The following RBM20 variants were observed in gnomAD, a reference collection of about 807,000 sequenced individuals.
The protein encoded by RBM20 is RNA-binding protein 20.
Under a neutral mutation model 110.1 loss-of-function variants are expected in RBM20, and 51 were observed. The ratio of observed to expected loss-of-function variants is 0.46; its 90% CI spans 0.37 to 0.59. The LOEUF is 0.59. Among genes scored for constraint, RBM20 ranks in the 20% least tolerant of loss-of-function variants. RBM20 has a pLI of 0.00. For synonymous variants in RBM20, 589 were observed against 618.2 expected (o/e 0.95, Z 0.70); for missense variants, 1,512 against 1,574.9 (o/e 0.96, Z 0.68).
At chr10:110,648,078 G>A (rs553925325) in intron 1 of RBM20, among the ~76,000 whole-genome samples, 1 of 152,296 alleles carries the variant, frequency 6.6e-6, no homozygotes, top group East Asian at 1.9e-4. Flanking sequence ...GAGTATAGAT[G>A]ACACTTTTTT....
intron 13 of RBM20, among the ~76,000 whole-genome samples, chr10:110,834,819 C>A (rs1845102473): frequency 6.6e-6 from 1 of 152,204 alleles, no homozygotes; most frequent in South Asian, 2.1e-4. Context: ...TGTCAGAGAA[C>A]CCCAGCTGGG....
chr10:110,771,846 A>C (rs760925718), intron 1 of RBM20, among the ~76,000 whole-genome samples: 1 of 152,254 alleles, frequency 6.6e-6, no homozygotes, highest in Non-Finnish European at 1.5e-5. Context: ...GGATTGATCT[A>C]TAAATCCCTA....
intron 1 of RBM20, among the ~76,000 whole-genome samples, chr10:110,710,280 G>A (rs1042595032): frequency 2.6e-5 from 4 of 152,172 alleles, no homozygotes; most frequent in Admixed American, 6.5e-5. Context: ...TGGATATTCC[G>A]CAATAATCTG....
chr10:110,825,720 G>C (rs1844973311), intron 12 of RBM20, among the ~76,000 whole-genome samples: 1 of 152,202 alleles, frequency 6.6e-6, no homozygotes, highest in Admixed American at 6.5e-5. Flanking sequence ...CAGTTAGGCT[G>C]TCTGCTCTTT....
intron 1 of RBM20, among the ~76,000 whole-genome samples, chr10:110,647,606 C>A (rs1861886685): frequency 6.6e-6 from 1 of 152,058 alleles, no homozygotes; most frequent in Non-Finnish European, 1.5e-5. Context: ...GTTAGGAAAT[C>A]AGAATAATTT....
chr10:110,789,415 GT>G (rs5787873), intron 5 of RBM20, among the ~76,000 whole-genome samples: 7,014 of 148,782 alleles, frequency 0.047, 220 homozygotes, highest in African/African-American at 0.082. Context: ...TTTTGTTTAG[GT>G]TTTTTTTTTC....
rs1212827529 is a variant in RBM20 at position 110,820,183 on chromosome 10, T to A, written c.2655+7T>A. 1.9e-6 allele frequency: 3 copies of A among 1,543,714 alleles called. No individual in the cohort carries two copies. The East Asian group carries it at 7.3e-5, about 38-fold the overall frequency. On this transcript the variant is annotated splice_region_variant and intron_variant, in intron 10 of 13. Coordinates refer to ENST00000369519, the MANE Select transcript of RBM20 (RefSeq NM_001134363.3). ...AAACACAAGGACAAAGAAGGTAAAG[T>A]TTGTTTCAGATTCTGCACTTCTGCC...
intron 1 of RBM20, among the ~76,000 whole-genome samples, chr10:110,704,336 A>G (rs899077049): frequency 6.6e-6 from 1 of 152,220 alleles, no homozygotes; most frequent in Admixed American, 6.5e-5. Context: ...GGCTATTACA[A>G]AGAAAGCTGC....
chr10:110,646,814 A>G (rs916211188), intron 1 of RBM20, among the ~76,000 whole-genome samples: 1 of 152,252 alleles, frequency 6.6e-6, no homozygotes, highest in Non-Finnish European at 1.5e-5. Context: ...TTGAGAAAAT[A>G]TAGTGGAGCT....
chr10:110,764,459 G>A (rs1368405593), intron 1 of RBM20, among the ~76,000 whole-genome samples: 1 of 152,246 alleles, frequency 6.6e-6, no homozygotes, highest in Non-Finnish European at 1.5e-5. Context: ...GTGTTGATAT[G>A]TGAAGAGGCT....
At chr10:110,650,212 T>C (rs1981249) in intron 1 of RBM20, among the ~76,000 whole-genome samples, 118,280 of 152,128 alleles carry the variant, frequency 0.78, 47,288 homozygotes, top group South Asian at 0.86. Flanking sequence ...ATATATCCAT[T>C]TAATATGATA....
intron 1 of RBM20, among the ~76,000 whole-genome samples, chr10:110,702,825 C>T (rs1288373712): frequency 6.6e-6 from 1 of 152,180 alleles, no homozygotes; most frequent in Non-Finnish European, 1.5e-5. Flanking sequence ...TCAGTTTCTT[C>T]ATCTGTAAAA....
intron 1 of RBM20, among the ~76,000 whole-genome samples, chr10:110,703,856 A>C (rs1486553030): frequency 1.3e-5 from 2 of 152,228 alleles, no homozygotes; most frequent in Non-Finnish European, 2.9e-5. Context: ...TCATGCCTAT[A>C]ATCCCAGCAT....
chr10:110,758,276 C>A (rs924844587), intron 1 of RBM20, among the ~76,000 whole-genome samples: 1 of 152,024 alleles, frequency 6.6e-6, no homozygotes, highest in Non-Finnish European at 1.5e-5. Context: ...CTCAGCCTCT[C>A]AAAGTGTTGG....
intron 1 of RBM20, among the ~76,000 whole-genome samples, chr10:110,661,370 C>G (rs1225507643): frequency 6.6e-6 from 1 of 152,140 alleles, no homozygotes; most frequent in South Asian, 2.1e-4. Context: ...AGCCAGAACC[C>G]CTTAGGCTGG....
At chr10:110,728,987 A>G (rs1450790393) in intron 1 of RBM20, among the ~76,000 whole-genome samples, 1 of 152,202 alleles carries the variant, frequency 6.6e-6, no homozygotes, top group Non-Finnish European at 1.5e-5. Flanking sequence ...TCCCCTGCCC[A>G]TAGGGTTGTT....
chr10:110,652,251 A>G (rs2134807327), intron 1 of RBM20, among the ~76,000 whole-genome samples: 1 of 152,290 alleles, frequency 6.6e-6, no homozygotes, highest in Admixed American at 6.5e-5. Flanking sequence ...TGTTTTTGAA[A>G]AGATGTGTAT....
chr10:110,652,903 C>T (rs1448810799), intron 1 of RBM20, among the ~76,000 whole-genome samples: 1 of 152,142 alleles, frequency 6.6e-6, no homozygotes, highest in Admixed American at 6.5e-5. Context: ...CTCCTCTCAC[C>T]CCATCCTGCT....
chr10:110,783,676 T>TGTGTGCGTGGGC (rs1844383173), intron 3 of RBM20, among the ~76,000 whole-genome samples: 1 of 152,228 alleles, frequency 6.6e-6, no homozygotes, highest in African/African-American at 2.4e-5. Flanking sequence ...CGGAAGTGCG[T>TGTGTGCGTGGGC]GTGTGCGTGG....
Sources: allele counts gnomAD v4.1 joint callset (sites outside exome capture counted in the v4.1 genomes callset), GRCh38; gene constraint gnomAD v4.1.1; transcripts MANE v1.5; gene names NCBI Gene and HGNC (gene_info 2026-07-23, HGNC 2026-07-21).